Variants in TXNL4A observed in about 807,000 individuals in gnomAD.
The protein encoded by TXNL4A is thioredoxin like 4A, also known as thioredoxin-like protein 4A.
In TXNL4A, 17 loss-of-function variants were observed where a neutral mutation model predicts 14.6. The ratio of observed to expected loss-of-function variants is 1.16; its 90% CI spans 0.80 to 1.74. The LOEUF is 1.74. Ranked by LOEUF, TXNL4A falls within the 40% of genes most tolerant of loss-of-function variation. The pLI, the probability that TXNL4A is intolerant of heterozygous loss-of-function variation, is 0.00. For missense variants in TXNL4A, 74 were observed against 195.2 expected, an observed-to-expected ratio of 0.38 and a Z score of 3.70; for synonymous variants, 83 against 70.6, an observed-to-expected ratio of 1.18 and a Z score of -0.88.
At chr18:80,027,711 C>G (rs1276719269) in intron 1 of TXNL4A, among the ~76,000 whole-genome samples, 1 of 152,174 alleles carries the variant, frequency 6.6e-6, no homozygotes, top group African/African-American at 2.4e-5. Flanking sequence ...ATCTTCCTCC[C>G]AGGAAGATGG....
At chr18:80,008,595 A>G (rs1456883166) in intron 1 of TXNL4A, among the ~76,000 whole-genome samples, 1 of 151,620 alleles carries the variant, frequency 6.6e-6, no homozygotes, top group African/African-American at 2.4e-5. Flanking sequence ...TGTCTTCTCC[A>G]CATTAAGTTC....
intron 1 of TXNL4A, among the ~76,000 whole-genome samples, chr18:80,026,088 T>G (rs1417573936): frequency 6.6e-6 from 1 of 152,218 alleles, no homozygotes; most frequent in African/African-American, 2.4e-5. Context: ...GATACATTAT[T>G]AAAGGCAAAT....
chr18:79,986,510 T>C, intron 1 of TXNL4A: 8 of 935,058 alleles, frequency 8.6e-6, no homozygotes, highest in Non-Finnish European at 1.0e-5. Flanking sequence ...GTGTGTCCAC[T>C]AGTGATACAG....
chr18:80,010,451 G>A (rs977654423), intron 1 of TXNL4A, among the ~76,000 whole-genome samples: 4 of 152,046 alleles, frequency 2.6e-5, no homozygotes, highest in Non-Finnish European at 2.9e-5. Context: ...CCTATTAGGA[G>A]CTGAAGTGAC....
At chr18:79,994,609 ACT>A (rs988305682) in intron 1 of TXNL4A, among the ~76,000 whole-genome samples, 2 of 149,742 alleles carry the variant, frequency 1.3e-5, no homozygotes, top group African/African-American at 4.9e-5. Context: ...CCAATCGAGA[ACT>A]CTCTAATCGT....
chr18:79,993,524 T>C (rs965678578), upstream of TXNL4A, among the ~76,000 whole-genome samples: 6 of 152,190 alleles, frequency 3.9e-5, no homozygotes, highest in African/African-American at 1.4e-4. This position sits in a 1 kb window ranked among gnomAD's most constrained non-coding sequence, Gnocchi z 4.4. Context: ...TAATTTCTGC[T>C]TACACTTGAG....
intron 1 of TXNL4A, among the ~76,000 whole-genome samples, chr18:79,983,568 G>A (rs781491951): frequency 2.0e-5 from 3 of 152,052 alleles, no homozygotes; most frequent in Non-Finnish European, 2.9e-5. Context: ...CTAAAATTCC[G>A]GAAAAAGTGT....
intron 1 of TXNL4A, among the ~76,000 whole-genome samples, chr18:80,012,656 CACAGTACCATTTGGA>C (rs1362376820): frequency 1.3e-5 from 2 of 152,152 alleles, no homozygotes; most frequent in East Asian, 3.8e-4. Context: ...TCTAGTTATC[CACAGTACCATTTGGA>C]ACTATACATG....
At chr18:80,025,202 G>GAGT (rs1441109801) in intron 1 of TXNL4A, among the ~76,000 whole-genome samples, 1 of 152,330 alleles carries the variant, frequency 6.6e-6, no homozygotes, top group East Asian at 1.9e-4. Context: ...GGTACCTGGA[G>GAGT]AGTAGCAAAA....
intron 1 of TXNL4A, among the ~76,000 whole-genome samples, chr18:79,980,191 T>C (rs2051442085): frequency 6.6e-6 from 1 of 152,170 alleles, no homozygotes; most frequent in Non-Finnish European, 1.5e-5. Flanking sequence ...CACCAGAAGC[T>C]GGGAGAAGCA....
In TXNL4A at chr18:79,997,790, A is replaced by G. The variant is rs112486944; in HGVS notation, c.-60-20089T>C. 5.0e-3 allele frequency among the ~76,000 whole-genome samples: 759 copies of G among 152,310 alleles called. 6 individuals carry two copies. Among genetic ancestry groups the G allele is most frequent in the African/African-American group, 0.017 (710 of 41,552 alleles). Reference sequence around the variant, plus strand: ...TATCTTCCTCCCAGGAAGATGGTCTATATTTACTCAAACAGCCACCAAAGG... The same window carrying G: ...TATCTTCCTCCCAGGAAGATGGTCTGTATTTACTCAAACAGCCACCAAAGG... On this transcript the variant is annotated intron_variant, in intron 1 of 2. Transcript: ENST00000585474.
At chr18:79,990,304 A>T (rs1235300139), upstream of TXNL4A, among the ~76,000 whole-genome samples, 1 of 152,220 alleles carries the variant, frequency 6.6e-6, no homozygotes, top group Non-Finnish European at 1.5e-5. Flanking sequence ...AGATCATCTA[A>T]ATCTCTTTCA....
chr18:80,008,935 G>A (rs1339414754), intron 1 of TXNL4A, among the ~76,000 whole-genome samples: 2 of 152,126 alleles, frequency 1.3e-5, no homozygotes, highest in African/African-American at 4.8e-5. Flanking sequence ...GAGCCACCAC[G>A]CCCGACTAAT....
At chr18:79,991,541 A>G (rs1029110095), upstream of TXNL4A, among the ~76,000 whole-genome samples, 1 of 152,234 alleles carries the variant, frequency 6.6e-6, no homozygotes, top group Non-Finnish European at 1.5e-5. Context: ...CATTTTATCC[A>G]TCAGTTGATT....
At chr18:80,031,419 G>T (rs987958599) in intron 1 of TXNL4A, among the ~76,000 whole-genome samples, 3 of 152,180 alleles carry the variant, frequency 2.0e-5, no homozygotes, top group African/African-American at 7.2e-5. Flanking sequence ...AGGGTGGTTG[G>T]GATGATGCTC....
chr18:80,022,281 G>C (rs1026870444), intron 1 of TXNL4A, among the ~76,000 whole-genome samples: 9 of 152,148 alleles, frequency 5.9e-5, no homozygotes, highest in African/African-American at 2.2e-4. Context: ...AGGACACCCG[G>C]AAGTTTTTTT....
At chr18:80,031,730 C>G (rs938035178) in intron 1 of TXNL4A, among the ~76,000 whole-genome samples, 1 of 152,198 alleles carries the variant, frequency 6.6e-6, no homozygotes, top group African/African-American at 2.4e-5. Context: ...CTAACGGCAG[C>G]ACAAGGGGGC....
chr18:80,008,652 C>T (rs1476320299), intron 1 of TXNL4A, among the ~76,000 whole-genome samples: 1 of 152,168 alleles, frequency 6.6e-6, no homozygotes, highest in African/African-American at 2.4e-5. Context: ...TTCTCCTCCA[C>T]CCCACCCCAC....
At chr18:80,022,519 C>T (rs2051856661) in intron 1 of TXNL4A, among the ~76,000 whole-genome samples, 1 of 152,208 alleles carries the variant, frequency 6.6e-6, no homozygotes, top group South Asian at 2.1e-4. Context: ...TTTCCTCAGG[C>T]CAGGTTTGTT....
Sources: allele counts gnomAD v4.1 joint callset (sites outside exome capture counted in the v4.1 genomes callset), GRCh38; gene constraint gnomAD v4.1.1; non-coding constraint Gnocchi (gnomAD v3.1); transcripts MANE v1.5; gene names NCBI Gene and HGNC (gene_info 2026-07-23, HGNC 2026-07-21).